The following WDFY3 variants were observed in gnomAD, a reference collection of about 807,000 sequenced individuals.
WDFY3 encodes the protein WD repeat and FYVE domain containing 3, also known as WD repeat and FYVE domain-containing protein 3.
A neutral mutation model predicts 409.6 loss-of-function variants in WDFY3; 66 were observed. The ratio of observed to expected loss-of-function variants is 0.16; its 90% CI spans 0.13 to 0.20. The LOEUF (loss-of-function observed/expected upper bound fraction) is 0.20. WDFY3 is among the 10% of genes least tolerant of loss of function. The probability of loss-of-function intolerance (pLI) is 1.00; values close to 1 mark genes in which losing one functional copy is unlikely to be tolerated. For synonymous variants in WDFY3, 1,521 were observed against 1,537.1 expected (o/e 0.99, Z 0.25); for missense variants, 3,031 against 4,298.1 (o/e 0.71, Z 8.24).
intron 21 of WDFY3, among the ~76,000 whole-genome samples, chr4:84,793,943 A>T (rs1033653900): frequency 6.6e-6 from 1 of 152,228 alleles, no homozygotes; most frequent in African/African-American, 2.4e-5. Context: ...TCTTGAGCAA[A>T]GAAAATTAAG....
chr4:84,954,119 A>G (rs1041559280), intron 1 of WDFY3, among the ~76,000 whole-genome samples: 1 of 152,130 alleles, frequency 6.6e-6, no homozygotes, highest in South Asian at 2.1e-4. Context: ...CATCTTTAGG[A>G]AAAAAAGCTT....
At chr4:84,762,163 C>T (rs1294296840) in intron 32 of WDFY3, among the ~76,000 whole-genome samples, 7 of 151,754 alleles carry the variant, frequency 4.6e-5, no homozygotes, top group African/African-American at 7.3e-5. Flanking sequence ...CACATGCACA[C>T]ATATGTTTAT....
intron 2 of WDFY3, among the ~76,000 whole-genome samples, chr4:84,918,224 T>C (rs1386233884): frequency 6.6e-6 from 1 of 152,078 alleles, no homozygotes; most frequent in Non-Finnish European, 1.5e-5. Context: ...AAGATACACC[T>C]CCAGCAGTAT....
intron 3 of WDFY3, among the ~76,000 whole-genome samples, chr4:84,894,805 C>G (rs998869137): frequency 1.3e-5 from 2 of 151,464 alleles, no homozygotes. Context: ...AAAAAATTAG[C>G]CGGTTGTAGT....
chr4:84,726,854 G>A lies in WDFY3; in HGVS notation c.7272+7C>T, dbSNP rs912605705. ...TTTACATTCTTTTACTGTAATTTGT[G>A]TTTTACCTTTTGAGGAATATCATCG... is the stretch of plus-strand genomic sequence containing the variant. On this transcript the variant is annotated splice_region_variant and intron_variant, in intron 45 of 67. Coordinates refer to ENST00000295888, the MANE Select transcript of WDFY3 (RefSeq NM_014991.6). The A allele has an allele frequency of 1.9e-6, 3 of 1,593,622 alleles. No homozygotes were observed.
At chr4:84,862,661 G>C (rs940841892) in intron 3 of WDFY3, among the ~76,000 whole-genome samples, 1 of 152,142 alleles carries the variant, frequency 6.6e-6, no homozygotes, top group African/African-American at 2.4e-5. Context: ...ATAGGACTTA[G>C]GGGATTCATG....
Position 84,688,229 on chromosome 4 carries a change from T to C in WDFY3, c.9400A>G (p.Thr3134Ala), listed in dbSNP as rs765969530. The C allele has an allele frequency of 5.6e-6, 9 of 1,613,976 alleles. No homozygotes were observed. Among genetic ancestry groups the C allele is most frequent in the Admixed American group, 3.3e-5 (2 of 59,960 alleles). Residue 3134 changes from threonine (T) to alanine (A), a missense_variant, in exon 62 of 68, where the codon ACA becomes GCA. Around this residue, in one of 16 missense-constraint regions of WDFY3, gnomAD observed 152 missense variants for 193.5 expected, o/e 0.79. Coordinates refer to ENST00000295888, the MANE Select transcript of WDFY3 (RefSeq NM_014991.6). ...ATTATGTGATAGGCTAATGATGCTGTGGCGCAGGTGACGGTATCAGTGTGG... is the reference window on the plus strand; with the variant it reads ...ATTATGTGATAGGCTAATGATGCTGCGGCGCAGGTGACGGTATCAGTGTGG... ...LGHTDTVTCA[T>A]ASLAYHIIVS... is the part of the protein sequence containing the mutation.
At chr4:84,951,980 G>A (rs891985018) in intron 1 of WDFY3, among the ~76,000 whole-genome samples, 1 of 152,142 alleles carries the variant, frequency 6.6e-6, no homozygotes, top group African/African-American at 2.4e-5. Flanking sequence ...AAAATCCACA[G>A]AGAAAGAAAA....
chr4:84,696,873 A>C, intron 56 of WDFY3, 50 bp from the exon 57 acceptor site: 1 of 1,510,896 alleles, frequency 6.6e-7, no homozygotes, highest in Non-Finnish European at 9.2e-7. Flanking sequence ...AATGGGATAA[A>C]TGGTAACTTT....
chr4:84,834,493 A>C (rs111934698), intron 7 of WDFY3, among the ~76,000 whole-genome samples: 17 of 151,450 alleles, frequency 1.1e-4, no homozygotes, highest in South Asian at 8.3e-4. Flanking sequence ...CTAAAAACAA[A>C]AAAAAAAAAC....
intron 25 of WDFY3, 119 bp from the exon 26 acceptor site, chr4:84,780,417 T>C: frequency 9.3e-7 from 1 of 1,078,764 alleles, no homozygotes; most frequent in Non-Finnish European, 1.3e-6. Flanking sequence ...ATCTTCTGTC[T>C]ATAATGCAAA....
chr4:84,736,561 A>T (rs1737466223), intron 41 of WDFY3, among the ~76,000 whole-genome samples: 1 of 152,218 alleles, frequency 6.6e-6, no homozygotes, highest in Admixed American at 6.5e-5. Flanking sequence ...ACAGCTCTGT[A>T]ATAACATGCA....
intron 1 of WDFY3, among the ~76,000 whole-genome samples, chr4:84,934,776 C>T (rs1771202714): frequency 6.6e-6 from 1 of 152,086 alleles, no homozygotes; most frequent in Admixed American, 6.6e-5. Flanking sequence ...TGGTATTGTT[C>T]TACTAATTTG....
At chr4:84,779,252 A>T (rs1413045871) in intron 26 of WDFY3, among the ~76,000 whole-genome samples, 1 of 152,222 alleles carries the variant, frequency 6.6e-6, no homozygotes, top group South Asian at 2.1e-4. Flanking sequence ...ACTATAATTA[A>T]ATCTATACAA....
chr4:84,814,516 G>A (rs914667799), intron 13 of WDFY3, among the ~76,000 whole-genome samples: 7 of 152,096 alleles, frequency 4.6e-5, no homozygotes, highest in Non-Finnish European at 7.4e-5. Context: ...ATTGTTCAGA[G>A]TAACATGATG....
At position 84,672,722 on chromosome 4, in the gene WDFY3, T is replaced by G. The variant is rs1261777257; in HGVS notation, c.*146A>C. ...TTCCTGTACTCTACACCCGTTTTAT[T>G]CAATGATCCCTTTGAATTTTAACAC... On this transcript the variant is annotated 3_prime_UTR_variant, in exon 68 of 68. Coordinates refer to ENST00000295888, the MANE Select transcript of WDFY3 (RefSeq NM_014991.6). The G allele has an allele frequency of 8.3e-7, 1 of 1,197,836 alleles. No individual in the cohort carries two copies. The highest frequency in any genetic ancestry group is 2.4e-5 in the East Asian group (1 of 42,004). The allele number at this position is 1,197,836 out of a possible 1,614,324, so 74.2% of individuals were successfully genotyped here.
chr4:84,834,550 C>A (rs188405941), intron 7 of WDFY3, among the ~76,000 whole-genome samples: 142 of 152,090 alleles, frequency 9.3e-4, no homozygotes, highest in African/African-American at 3.3e-3. Context: ...ACTTGGGTGG[C>A]TGAGGCACAA....
intron 3 of WDFY3, among the ~76,000 whole-genome samples, chr4:84,874,658 C>T (rs1055038212): frequency 6.6e-6 from 1 of 152,052 alleles, no homozygotes; most frequent in African/African-American, 2.4e-5. Flanking sequence ...CTCTGCTTTT[C>T]CAAGTAGTCT....
intron 51 of WDFY3, 33 bp from the exon 52 acceptor site, chr4:84,709,380 G>C: frequency 6.4e-7 from 1 of 1,554,786 alleles, no homozygotes; most frequent in Non-Finnish European, 8.7e-7. Flanking sequence ...TAAATTACAA[G>C]CAATAAAATT....
Sources: allele counts gnomAD v4.1 joint callset (sites outside exome capture counted in the v4.1 genomes callset), GRCh38; gene constraint gnomAD v4.1.1; regional missense constraint gnomAD v4.1.1; transcripts MANE v1.5; gene names NCBI Gene and HGNC (gene_info 2026-07-23, HGNC 2026-07-21).